PSME4: variants seen among roughly 807,000 people sequenced by gnomAD.
PSME4 encodes the protein proteasome activator subunit 4, also known as proteasome activator complex subunit 4.
PSME4 carries 89 observed loss-of-function variants against 253.9 expected under a neutral mutation model. That is an observed-to-expected ratio of 0.35 (90% CI 0.30 to 0.42). The LOEUF is 0.42. PSME4 is among the 10% of genes least tolerant of loss of function. The pLI is 1.00. For synonymous variants in PSME4, 851 were observed against 759.2 expected (o/e 1.12, Z -1.99); for missense variants, 2,014 against 2,195.2 (o/e 0.92, Z 1.65).
In PSME4 at chr2:53,867,501, G is replaced by GAAA. The variant is rs1223931718; in HGVS notation, c.5264-622_5264-621insTTT. Among the ~76,000 whole-genome samples, 1,056 of 113,372 alleles carry GAAA rather than the reference G, an allele frequency of 9.3e-3. 56 individuals carry two copies. In the East Asian group the frequency reaches 0.18, roughly 19 times the overall value. The allele number at this position is 113,372 out of a possible 152,430, so 74.4% of individuals were successfully genotyped here. A position where few individuals can be genotyped will look rare whatever the true frequency, so the allele number is the denominator to read the frequency against. Reference sequence around the variant, plus strand: ...GATACAGAGTGAGGCTCCGTCTCAAGGAAAAAAAAAAAAAAAAAAAAGCTA... The same window carrying GAAA: ...GATACAGAGTGAGGCTCCGTCTCAAGAAAGAAAAAAAAAAAAAAAAAAAAGCTA... On this transcript the variant is annotated intron_variant, in intron 44 of 46. Transcript: ENST00000404125.
At chr2:53,871,930 C>T (rs1478755731) in intron 43 of PSME4, among the ~76,000 whole-genome samples, 3 of 152,088 alleles carry the variant, frequency 2.0e-5, no homozygotes, top group African/African-American at 7.2e-5. Context: ...AGGAGAATCG[C>T]TTCAACCCAG....
At chr2:53,899,837 C>T in intron 29 of PSME4, 44 bp downstream of exon 29, 1 of 1,594,006 alleles carries the variant, frequency 6.3e-7, no homozygotes, top group Non-Finnish European at 8.5e-7. Context: ...CCAAAACTTA[C>T]TATCTATAAT....
chr2:53,956,372 T>C (rs1670235439), intron 1 of PSME4, among the ~76,000 whole-genome samples: 1 of 151,222 alleles, frequency 6.6e-6, no homozygotes, highest in Admixed American at 6.6e-5. Flanking sequence ...CTACTAAAAA[T>C]ACAAAAAATT....
At position 53,948,904 on chromosome 2, in the gene PSME4, A is replaced by G. The variant is rs543204140; in HGVS notation, c.383+239T>C. Among the ~76,000 whole-genome samples the G allele has an allele frequency of 3.3e-5, 5 of 152,336 alleles. No individual in the cohort carries two copies. The South Asian group carries it at 1.0e-3, about 32-fold the overall frequency. On this transcript the variant is annotated intron_variant, in intron 2 of 46. Transcript: ENST00000404125. ...TCTTGTCTTCTCAAGGGACTTAACA[A>G]CCTATAAAAGGGGAAGTTCAATGGG...
chr2:53,947,742 G>A (rs1032207827), intron 3 of PSME4, among the ~76,000 whole-genome samples: 1 of 151,754 alleles, frequency 6.6e-6, no homozygotes, highest in African/African-American at 2.4e-5. Flanking sequence ...GAGGCCAGGC[G>A]TGGTGGCTCA....
intron 1 of PSME4, among the ~76,000 whole-genome samples, chr2:53,951,066 A>C (rs1669965155): frequency 6.6e-6 from 1 of 152,034 alleles, no homozygotes; most frequent in South Asian, 2.1e-4. Context: ...CTGAGATCAA[A>C]TAAAACTTAC....
chr2:53,887,223 T>C, intron 40 of PSME4, 36 bp downstream of exon 40: 1 of 1,545,356 alleles, frequency 6.5e-7, no homozygotes, highest in Non-Finnish European at 8.9e-7. Flanking sequence ...CAAATAGATG[T>C]TTTCAACTGA....
chr2:53,875,544 G>A lies in PSME4; in HGVS notation c.4944+83C>T, dbSNP rs537462132. The A allele has an allele frequency of 1.1e-5, 15 of 1,318,698 alleles. No homozygotes were observed. The East Asian group carries it at 3.4e-4, about 30-fold the overall frequency. The allele number at this position is 1,318,698 out of a possible 1,614,324, so 81.7% of individuals were successfully genotyped here. On this transcript the variant is annotated intron_variant, in intron 42 of 46. Transcript: ENST00000404125. ...AAATTCAAAACAAAAACTAGGCGCT[G>A]TGTGCACTGCAGCTGACTGAAATTC...
At chr2:53,958,780 C>G (rs1670348703) in intron 1 of PSME4, among the ~76,000 whole-genome samples, 1 of 149,046 alleles carries the variant, frequency 6.7e-6, no homozygotes, top group Non-Finnish European at 1.5e-5. Flanking sequence ...AAAAAAAACA[C>G]TTTTAGACTA....
In PSME4 at chr2:53,890,088, A is replaced by G. The variant is rs1331363644; in HGVS notation, c.4296+16T>C. 7.6e-6 allele frequency: 12 copies of G among 1,570,350 alleles called. No individual in the cohort carries two copies. In the East Asian group the frequency reaches 9.0e-5, roughly 12 times the overall value. On this transcript the variant is annotated intron_variant, in intron 37 of 46. Transcript: ENST00000404125. ...GAATAGATCAGTTAGACAAAGAAAG[A>G]TGTAGGGTAACTTACACAGGATGTT...
At position 53,940,909 on chromosome 2, in the gene PSME4, CATATTTAAATAT is replaced by C. The variant is rs1669371295; in HGVS notation, c.501-921_501-910del. Among the ~76,000 whole-genome samples the C allele has an allele frequency of 3.3e-5, 3 of 91,832 alleles. No individual in the cohort carries two copies. The Admixed American group carries it at 4.7e-4, about 14-fold the overall frequency. 60.2% of individuals were successfully genotyped at this position (91,832 alleles called of 152,430 possible). A position where few individuals can be genotyped will look rare whatever the true frequency, so the allele number is the denominator to read the frequency against. On this transcript the variant is annotated intron_variant, in intron 3 of 46. Transcript: ENST00000404125. The stretch of plus-strand genomic sequence containing the variant: ...AATACATATTTAAATATATATAATA[CATATTTAAATAT>C]ATATATAATACATATATAAATATAT...
chr2:53,919,203 T>G lies in PSME4; in HGVS notation c.2464A>C (p.Ile822Leu). 6.2e-7 allele frequency: 1 copy of G among 1,612,314 alleles called. No individual in the cohort carries two copies. The highest frequency in any genetic ancestry group is 2.2e-5 in the East Asian group (1 of 44,752). The change falls in exon 20 of 47, where the codon ATT becomes CTT. Residue 822 changes from isoleucine (I) to leucine (L), a missense_variant. Transcript: ENST00000404125. ...QSLTIVHNCL[I>L]GSGNLLPPLK... Reference sequence around the variant, plus strand: ...GGAGGTAGGAGGTTTCCAGAGCCAATTAAACAGTTGTGCACTATAGTCAGA... The same window carrying G: ...GGAGGTAGGAGGTTTCCAGAGCCAAGTAAACAGTTGTGCACTATAGTCAGA...
intron 1 of PSME4, among the ~76,000 whole-genome samples, chr2:53,959,665 G>A (rs1172619090): frequency 1.3e-5 from 2 of 152,156 alleles, no homozygotes; most frequent in Non-Finnish European, 2.9e-5. Context: ...TTTATTCCAA[G>A]ACTAAGTCCT....
intron 1 of PSME4, among the ~76,000 whole-genome samples, chr2:53,954,199 G>A (rs1362850608): frequency 4.6e-5 from 7 of 152,256 alleles, no homozygotes; most frequent in South Asian, 4.1e-4. Context: ...GTGGCGGCAC[G>A]CGCCTGCAAA....
In PSME4 at chr2:53,910,398, A is replaced by T. The variant is rs113176693; in HGVS notation, c.2517-268T>A. Among the ~76,000 whole-genome samples the T allele has an allele frequency of 7.1e-3, 1,086 of 152,328 alleles. 24 individuals are homozygous for T. Among genetic ancestry groups the T allele is most frequent in the African/African-American group, 0.025 (1,038 of 41,568 alleles). On this transcript the variant is annotated intron_variant, in intron 20 of 46. Transcript: ENST00000404125. ...ACATAATATTGATATCCAATACTCA[A>T]ATGTAAAAGATTAAATATGATAAAC...
Position 53,919,187 on chromosome 2 carries a change from A to T in PSME4, c.2480T>A (p.Leu827His). The change falls in exon 20 of 47, where the codon CTC becomes CAC. Residue 827 changes from leucine to histidine, a missense_variant. Transcript: ENST00000404125. ...TGGCTCTCCTTTCAACGGAGGTAGG[A>T]GGTTTCCAGAGCCAATTAAACAGTT... The part of the protein sequence containing the change: ...VHNCLIGSGN[L>H]LPPLKGEPVT... 6.2e-7 allele frequency: 1 copy of T among 1,612,352 alleles called. No homozygotes were observed. The highest frequency in any genetic ancestry group is 8.5e-7 in the Non-Finnish European group (1 of 1,179,304).
chr2:53,870,374 T>A (rs991113507), intron 43 of PSME4: 1 of 33,584 alleles, frequency 3.0e-5, no homozygotes, highest in African/African-American at 2.0e-4. Flanking sequence ...TTTCTTTTCG[T>A]TTTTTTTTTT....
intron 20 of PSME4, among the ~76,000 whole-genome samples, chr2:53,918,380 G>T (rs1439517873): frequency 6.6e-6 from 1 of 152,050 alleles, no homozygotes; most frequent in Non-Finnish European, 1.5e-5. Flanking sequence ...TTGAGACAGG[G>T]TCTCACTCTA....
chr2:53,965,086 AACACACACACACACAGAC>A (rs1670652543), intron 1 of PSME4, among the ~76,000 whole-genome samples: 1 of 151,336 alleles, frequency 6.6e-6, no homozygotes, highest in South Asian at 2.1e-4. Context: ...ATTCTGTTTA[AACACACACACACACAGAC>A]ACACACACAC....
Sources: gnomAD v4.1 joint callset for allele counts (sites outside exome capture counted in the v4.1 genomes callset) on GRCh38, gnomAD v4.1.1 for gene constraint, MANE v1.5 for transcripts, NCBI Gene and HGNC (gene_info 2026-07-23, HGNC 2026-07-21) for gene names.